Variants in DENND2B observed in about 807,000 individuals in gnomAD.
DENND2B encodes the protein DENN domain containing 2B, also known as DENN domain-containing protein 2B.
A neutral mutation model predicts 116.0 loss-of-function variants in DENND2B; 32 were observed. The ratio of observed to expected loss-of-function variants is 0.28; its 90% confidence interval spans 0.21 to 0.37. The LOEUF is 0.37. Among genes scored for constraint, DENND2B ranks in the 10% least tolerant of loss-of-function variants. The pLI is 1.00. For synonymous variants in DENND2B, 588 were observed against 583.9 expected (o/e 1.01, Z -0.10); for missense variants, 1,276 against 1,477.7 (o/e 0.86, Z 2.24).
intron 11 of DENND2B, chr11:8,708,106 C>G: frequency 7.0e-7 from 1 of 1,419,078 alleles, no homozygotes; most frequent in Non-Finnish European, 9.2e-7. Flanking sequence ...ACAGGCTCCA[C>G]CCTTCCTCCC....
At chr11:8,719,706 G>T (rs796728552) in intron 4 of DENND2B, among the ~76,000 whole-genome samples, 6 of 152,312 alleles carry the variant, frequency 3.9e-5, no homozygotes, top group African/African-American at 1.4e-4. Flanking sequence ...TGCCCTGCAG[G>T]AGTGAGGAGG....
intron 1 of DENND2B, among the ~76,000 whole-genome samples, chr11:8,804,016 C>T (rs1387619080): frequency 2.0e-5 from 3 of 152,162 alleles, no homozygotes; most frequent in East Asian, 3.9e-4. Flanking sequence ...AAGGGGCAGG[C>T]GAGAAGCAGT....
rs951810499 is a variant in DENND2B, at chr11:8,731,052, G to A, written c.238C>T (p.Pro80Ser). The A allele has an allele frequency of 6.2e-7, 1 of 1,614,058 alleles. No individual in the cohort carries two copies. Among genetic ancestry groups the A allele is most frequent in the Admixed American group, 1.7e-5 (1 of 60,030 alleles). Residue 80 changes from proline to serine, a missense_variant, in exon 3 of 20, where the codon CCT (proline) becomes TCT (serine). Physicochemically the swap from Pro to Ser is moderately conservative, Grantham distance 74. Transcript: ENST00000313726. ...RHPPAPSPQNPQDPSPDTSPP... is the reference protein window; with the variant it reads ...RHPPAPSPQNSQDPSPDTSPP... ...GAAGTATCTGGGGAGGGATCTTGAG[G>A]ATTCTGGGGTGAAGGAGCTGGGGGG...
At chr11:8,852,035 A>G (rs2063026423) in intron 3 of DENND2B, among the ~76,000 whole-genome samples, 1 of 152,196 alleles carries the variant, frequency 6.6e-6, no homozygotes, top group Non-Finnish European at 1.5e-5. Context: ...GCAACTCCCT[A>G]TAACAGTTGT....
At chr11:8,694,181 C>A in intron 19 of DENND2B, 51 bp from the exon 20 acceptor site, 2 of 1,601,610 alleles carry the variant, frequency 1.2e-6, no homozygotes, top group Non-Finnish European at 1.7e-6. Flanking sequence ...CCCTTCCAAC[C>A]TCCACTCCCT....
intron 13 of DENND2B, chr11:8,703,721 A>G (rs7928370): frequency 0.67 from 102,211 of 152,114 alleles, 34,364 homozygotes; most frequent in Middle Eastern, 0.76. Flanking sequence ...GTCTAAGCAA[A>G]TGAAGGAGTT....
intron 1 of DENND2B, among the ~76,000 whole-genome samples, chr11:8,760,965 C>CG (rs1329228933): frequency 3.3e-5 from 5 of 152,118 alleles, no homozygotes; most frequent in Non-Finnish European, 7.4e-5. Context: ...AAAGTAAGAA[C>CG]TTTTTCCATC....
intron 1 of DENND2B, among the ~76,000 whole-genome samples, chr11:8,806,051 T>G (rs890697842): frequency 4.6e-5 from 7 of 152,144 alleles, no homozygotes; most frequent in Non-Finnish European, 8.8e-5. Flanking sequence ...TGCTAAATTG[T>G]GTAGGCCTCC....
chr11:8,718,859 C>T, intron 4 of DENND2B: 1 of 995,784 alleles, frequency 1.0e-6, no homozygotes, highest in Non-Finnish European at 1.2e-6. Context: ...CCCTCCAACA[C>T]ACACATTTTC....
intron 1 of DENND2B, among the ~76,000 whole-genome samples, chr11:8,906,813 T>G (rs2064244678): frequency 6.6e-6 from 1 of 152,196 alleles, no homozygotes; most frequent in South Asian, 2.1e-4. Context: ...AATGACTCAG[T>G]CTGTAATACT....
In DENND2B at chr11:8,712,257, CTG is replaced by C. The variant is rs146708677; in HGVS notation, c.2172+292_2172+293del. 0.019 allele frequency among the ~76,000 whole-genome samples: 2,849 copies of C among 152,340 alleles called. 36 individuals are homozygous for C. Among genetic ancestry groups the C allele is most frequent in the Middle Eastern group, 0.058 (17 of 294 alleles). ...ACAATTCTGTGAATACACCCAAACA[CTG>C]AACTGTATACATTAAGTGGGTGAAC... On this transcript the variant is annotated intron_variant, in intron 9 of 19. Coordinates refer to ENST00000313726, the MANE Select transcript of DENND2B (RefSeq NM_213618.2). The surrounding 1 kb of genome is among the most constrained non-coding windows in gnomAD (Gnocchi z 4.4).
chr11:8,793,092 A>G (rs1022674015), intron 1 of DENND2B, among the ~76,000 whole-genome samples: 1 of 152,384 alleles, frequency 6.6e-6, no homozygotes, highest in Admixed American at 6.5e-5. Context: ...AAGAAATGCA[A>G]TGCTGCTCCT....
chr11:8,778,201 C>G (rs1034384539), intron 1 of DENND2B, among the ~76,000 whole-genome samples: 1 of 152,190 alleles, frequency 6.6e-6, no homozygotes, highest in Admixed American at 6.5e-5. Flanking sequence ...GCAACTAGCT[C>G]GAAAGAGTCT....
At chr11:8,806,638 A>ACC (rs2060879992) in intron 1 of DENND2B, among the ~76,000 whole-genome samples, 2 of 151,016 alleles carry the variant, frequency 1.3e-5, no homozygotes, top group African/African-American at 2.4e-5. Context: ...ACACACACAC[A>ACC]CCCAGGAGAG....
At chr11:8,816,198 C>A (rs12420300) in intron 4 of DENND2B, among the ~76,000 whole-genome samples, 145,424 of 152,138 alleles carry the variant, frequency 0.96, 69,699 homozygotes, top group East Asian at 1. Context: ...TCTAATGCCC[C>A]CCAGACTGGG....
chr11:8,857,939 T>C (rs1353171621), intron 2 of DENND2B, among the ~76,000 whole-genome samples: 8 of 152,350 alleles, frequency 5.3e-5, no homozygotes, highest in Non-Finnish European at 8.8e-5. Flanking sequence ...CTTCAAAGTC[T>C]GCAGGTCCTC....
rs774954383 is a variant in DENND2B, at chr11:8,711,190, C to A, written c.2214G>T (p.Arg738Ser). 1.9e-6 allele frequency: 3 copies of A among 1,614,060 alleles called. No homozygotes were observed. Among genetic ancestry groups the A allele is most frequent in the East Asian group, 2.2e-5 (1 of 44,848 alleles). The change falls in exon 10 of 20, where the codon AGG becomes AGT. Residue 738 changes from arginine to serine, a missense_variant. Around this residue, in one of 2 missense-constraint regions of DENND2B, gnomAD observed 420 missense variants for 631.1 expected, o/e 0.67. Coordinates refer to ENST00000313726, the MANE Select transcript of DENND2B (RefSeq NM_213618.2). ...AGCAAAACTGGGGAATGGCTTTGAG[C>A]CTTTCCTCTGCCTCTCGCATCTGCT... is the stretch of plus-strand genomic sequence containing the variant. ...PTKQMREAEE[R>S]LKAIPQFCFP... is the part of the protein sequence containing the mutation.
At chr11:8,711,460 G>A (rs1228710944) in intron 9 of DENND2B, among the ~76,000 whole-genome samples, 1 of 152,122 alleles carries the variant, frequency 6.6e-6, no homozygotes, top group Non-Finnish European at 1.5e-5. Context: ...CTATGCGCCA[G>A]GGCTCTTGGC....
Position 8,749,535 on chromosome 11 carries a change from G to A in DENND2B, c.80+1086C>T, listed in dbSNP as rs186257768. 1.9e-3 allele frequency among the ~76,000 whole-genome samples: 285 copies of A among 152,314 alleles called. 2 individuals are homozygous for A. The highest frequency in any genetic ancestry group is 6.4e-3 in the African/African-American group (264 of 41,570). On this transcript the variant is annotated intron_variant, in intron 2 of 19. Transcript: ENST00000313726. ...CAAAGTCCTGTATGTATGGTGTGGGGAACCCCTGCCTCCTTCATGACAGTC... is the reference window on the plus strand; with the variant it reads ...CAAAGTCCTGTATGTATGGTGTGGGAAACCCCTGCCTCCTTCATGACAGTC...
Sources: allele counts gnomAD v4.1 joint callset (sites outside exome capture counted in the v4.1 genomes callset), GRCh38; gene constraint gnomAD v4.1.1; regional missense constraint gnomAD v4.1.1; non-coding constraint Gnocchi (gnomAD v3.1); transcripts MANE v1.5; gene names NCBI Gene and HGNC (gene_info 2026-07-23, HGNC 2026-07-21).